The following FAM219B variants were observed in gnomAD, a reference collection of about 807,000 sequenced individuals.
The protein encoded by FAM219B is family with sequence similarity 219 member B, also known as protein FAM219B.
A neutral mutation model predicts 19.9 loss-of-function variants in FAM219B; 18 were observed. The observed-to-expected ratio is 0.91, with a 90% CI of 0.63 to 1.34. The LOEUF (loss-of-function observed/expected upper bound fraction) is 1.34. Among genes scored for constraint, FAM219B ranks in the 40% most tolerant of loss-of-function variants. FAM219B has a pLI of 0.00. For missense variants in FAM219B, 283 were observed against 270.5 expected (o/e 1.05, Z -0.32); for synonymous variants, 123 against 117.5 (o/e 1.05, Z -0.30).
intron 2 of FAM219B, 101 bp from the exon 3 acceptor site, chr15:74,905,332 CACTACTG>C (rs2065143380): frequency 1.7e-6 from 2 of 1,163,344 alleles, no homozygotes; most frequent in African/African-American, 3.0e-5. Context: ...GAATTGACTG[CACTACTG>C]ACTTGCCTTC....
chr15:74,906,311 G>GC lies in FAM219B; in HGVS notation c.268dup (p.Ala90GlyfsTer17), dbSNP rs1566962884. On this transcript the variant is annotated frameshift_variant, in exon 2 of 5. Coordinates refer to ENST00000357635, the MANE Select transcript of FAM219B (RefSeq NM_020447.5). LOFTEE classifies it high-confidence loss of function. ...TGAAGAGTCTGGGCGGTTCGGCGAG[G>GC]CCCCCAGCATGCCTTTTCTCCGCAG... 3 of 1,613,548 alleles carry GC rather than the reference G, an allele frequency of 1.9e-6. No homozygotes were observed. Among genetic ancestry groups the GC allele is most frequent in the South Asian group, 2.2e-5 (2 of 90,982 alleles).
chr15:74,905,043 G>GA, intron 3 of FAM219B, 111 bp downstream of exon 3: 19 of 1,579,640 alleles, frequency 1.2e-5, no homozygotes, highest in Non-Finnish European at 1.6e-5. Flanking sequence ...AACGGCCCTG[G>GA]AATGTACATG....
At position 74,906,671 on chromosome 15, in the gene FAM219B, G is replaced by C; in HGVS notation, c.130C>G (p.Arg44Gly). The change falls in exon 1 of 5, where the codon CGT becomes GGT. Residue 44 changes from arginine (R) to glycine (G), a missense_variant. Physicochemically the swap from Arg to Gly is moderately radical, Grantham distance 125. Transcript: ENST00000357635. ...GCCGCGGGGGTGCGCTCCCCCAGAC[G>C]GAGGGCTCTATTACCGATCTGCCCG... is the stretch of plus-strand genomic sequence containing the variant. ...PSGQIGNRAL[R>G]LGERTPAAVE... 1 of 1,506,830 alleles carries C rather than the reference G, an allele frequency of 6.6e-7. No homozygotes were observed. The highest frequency in any genetic ancestry group is 8.8e-7 in the Non-Finnish European group (1 of 1,132,616). The allele number at this position is 1,506,830 out of a possible 1,614,324, so 93.3% of individuals were successfully genotyped here.
rs1000271905 is a variant in FAM219B, at chr15:74,902,662, CAGCAGG to C, written c.548_553del (p.Ser183_Cys184del). On this transcript the variant is annotated inframe_deletion, in exon 5 of 5. Coordinates refer to ENST00000357635, the MANE Select transcript of FAM219B (RefSeq NM_020447.5). ...AGAAGAGTCCCCAAGACAGCACCAG[CAGCAGG>C]AGCATGTTGAAGAGGCCATGGGCTT... 1.2e-6 allele frequency: 2 copies of C among 1,612,788 alleles called. No homozygotes were observed. The highest frequency in any genetic ancestry group is 2.7e-5 in the African/African-American group (2 of 74,906).
chr15:74,905,708 C>G (rs1213574161), intron 2 of FAM219B: 1 of 188,980 alleles, frequency 5.3e-6, no homozygotes, highest in African/African-American at 2.3e-5. Flanking sequence ...CCACCACGCC[C>G]GGCCTGTATT....
chr15:74,906,664 C>A lies in FAM219B; in HGVS notation c.137G>T (p.Gly46Val). ...TTCCACGGCCGCGGGGGTGCGCTCCCCCAGACGGAGGGCTCTATTACCGAT... is the reference window on the plus strand; with the variant it reads ...TTCCACGGCCGCGGGGGTGCGCTCCACCAGACGGAGGGCTCTATTACCGAT... Reference protein sequence around the residue: ...GQIGNRALRLGERTPAAVEKR... With the variant: ...GQIGNRALRLVERTPAAVEKR... The change falls in exon 1 of 5, where the codon GGG (glycine) becomes GTG (valine). Residue 46 changes from glycine to valine, a missense_variant. Coordinates refer to ENST00000357635, the MANE Select transcript of FAM219B (RefSeq NM_020447.5). The A allele has an allele frequency of 6.6e-7, 1 of 1,508,610 alleles. No homozygotes were observed. Among genetic ancestry groups the A allele is most frequent in the South Asian group, 1.4e-5 (1 of 73,724 alleles). The allele number at this position is 1,508,610 out of a possible 1,614,324, so 93.5% of individuals were successfully genotyped here. A position where few individuals can be genotyped will look rare whatever the true frequency, so the allele number is the denominator to read the frequency against.
At chr15:74,904,595 C>T in intron 4 of FAM219B, 69 bp downstream of exon 4, 7 of 1,570,426 alleles carry the variant, frequency 4.5e-6, no homozygotes, top group Non-Finnish European at 6.1e-6. Flanking sequence ...GGGCACCAAA[C>T]AAGCATTTGG....
intron 2 of FAM219B, 37 bp downstream of exon 2, chr15:74,906,241 A>AATTTT (rs1352881586): frequency 5.6e-6 from 9 of 1,604,620 alleles, no homozygotes; most frequent in African/African-American, 1.3e-5. Flanking sequence ...GCCTTCTCTA[A>AATTTT]AGCTGCTGGC....
rs1484645669 is a variant in FAM219B, at chr15:74,906,330, T to C, written c.250A>G (p.Arg84Gly). The C allele has an allele frequency of 1.2e-6, 2 of 1,613,328 alleles. No individual in the cohort carries two copies. Among genetic ancestry groups the C allele is most frequent in the African/African-American group, 2.7e-5 (2 of 74,918 alleles). ...HRDLAKAVLR[R>G]KGMLGASPNR... ...GGCGAGGCCCCCAGCATGCCTTTTC[T>C]CCGCAGAACGGCCTTGGCCAGGTCC... Residue 84 changes from arginine (R) to glycine (G), a missense_variant, in exon 2 of 5, where the codon AGA (arginine) becomes GGA (glycine). By Grantham distance (125) the Arg-to-Gly change is moderately radical. Transcript: ENST00000357635.
chr15:74,903,863 T>C (rs1047089091), intron 4 of FAM219B, among the ~76,000 whole-genome samples: 2 of 152,208 alleles, frequency 1.3e-5, no homozygotes, highest in African/African-American at 2.4e-5. Flanking sequence ...TTTACATCCC[T>C]GTTTTTCTAT....
At position 74,906,304 on chromosome 15, in the gene FAM219B, C is replaced by G. The variant is rs1004408768; in HGVS notation, c.276G>C (p.Pro92=). The G allele has an allele frequency of 1.2e-5, 20 of 1,613,432 alleles. No homozygotes were observed. In the Admixed American group the frequency reaches 2.3e-4, roughly 19 times the overall value. The change falls in exon 2 of 5, where the codon CCG becomes CCC. Residue 92 remains proline (P), a synonymous_variant. Transcript: ENST00000357635. ...TTTTCCCTGAAGAGTCTGGGCGGTT[C>G]GGCGAGGCCCCCAGCATGCCTTTTC... is the stretch of plus-strand genomic sequence containing the variant. ...LRRKGMLGAS[P]NRPDSSGKRS...
intron 3 of FAM219B, 164 bp downstream of exon 3, chr15:74,904,990 C>T: frequency 6.5e-7 from 1 of 1,542,180 alleles, no homozygotes; most frequent in Non-Finnish European, 8.7e-7. Flanking sequence ...ACCTATGAGT[C>T]TTCTAACCAA....
chr15:74,900,473 C>G lies in FAM219B; in HGVS notation c.*2146G>C, dbSNP rs905674874. 1.3e-5 allele frequency: 2 copies of G among 152,346 alleles called. No individual in the cohort carries two copies. Among genetic ancestry groups the G allele is most frequent in the Non-Finnish European group, 2.9e-5 (2 of 68,154 alleles). The allele number at this position is 152,346 out of a possible 1,614,324, so 9.4% of individuals were successfully genotyped here. On this transcript the variant is annotated 3_prime_UTR_variant, in exon 5 of 5. Coordinates refer to ENST00000357635, the MANE Select transcript of FAM219B (RefSeq NM_020447.5). ...CATTCTGCCCTGACCACCTCCCCAA[C>G]AGAGATGTAGGTCTATACTTACCTT... is the stretch of plus-strand genomic sequence containing the variant.
chr15:74,906,127 G>T, intron 2 of FAM219B, 151 bp downstream of exon 2: 1 of 750,124 alleles, frequency 1.3e-6, no homozygotes, highest in Non-Finnish European at 2.1e-6. Flanking sequence ...AAGAGAGATT[G>T]TTCCTCTTCC....
At position 74,901,736 on chromosome 15, in the gene FAM219B, A is replaced by C. The variant is rs2064967440; in HGVS notation, c.*883T>G. On this transcript the variant is annotated 3_prime_UTR_variant, in exon 5 of 5. Transcript: ENST00000357635. ...AAAAGTTTAAAAAGTAAACAATAGG[A>C]AGGCACCGGACTGCTCCCTGTAGCT... 1 of 188,984 alleles carries C rather than the reference A, an allele frequency of 5.3e-6. No individual in the cohort carries two copies. The highest frequency in any genetic ancestry group is 1.9e-4 in the South Asian group (1 of 5,146). 11.7% of individuals were successfully genotyped at this position (188,984 alleles called of 1,614,324 possible).
At position 74,902,737 on chromosome 15, in the gene FAM219B, A is replaced by C. The variant is rs1218338054; in HGVS notation, c.479T>G (p.Leu160Arg). The stretch of plus-strand genomic sequence containing the variant: ...GTCCTCGTCATCTGGAATCTCATCC[A>C]GGTGATACCCATCCTGAAGCAGCTG... ...SRQLLQDGYH[L>R]DEIPDDEDLD... The change falls in exon 5 of 5, where the codon CTG (leucine) becomes CGG (arginine). Residue 160 changes from leucine to arginine, a missense_variant. Coordinates refer to ENST00000357635, the MANE Select transcript of FAM219B (RefSeq NM_020447.5). The C allele has an allele frequency of 1.2e-6, 2 of 1,612,276 alleles. No homozygotes were observed. The highest frequency in any genetic ancestry group is 2.7e-5 in the African/African-American group (2 of 74,928).
At chr15:74,904,743 G>T (rs118007749) in intron 3 of FAM219B, 31 bp from the exon 4 acceptor site, 136 of 1,613,890 alleles carry the variant, frequency 8.4e-5, no homozygotes, top group Non-Finnish European at 1.1e-4. Flanking sequence ...TCAGTTCCGG[G>T]AGGTACCTGT....
At chr15:74,904,556 G>A (rs769612674) in intron 4 of FAM219B, 108 bp downstream of exon 4, 15 of 1,340,052 alleles carry the variant, frequency 1.1e-5, no homozygotes, top group Non-Finnish European at 1.6e-5. Flanking sequence ...GAACAGACCA[G>A]AAGTCTGGCA....
chr15:74,904,740 C>G, intron 3 of FAM219B, 28 bp from the exon 4 acceptor site: 1 of 1,614,042 alleles, frequency 6.2e-7, no homozygotes, highest in Non-Finnish European at 8.5e-7. Flanking sequence ...CAGTCAGTTC[C>G]GGGAGGTACC....
Sources: gnomAD v4.1 joint callset for allele counts (sites outside exome capture counted in the v4.1 genomes callset) on GRCh38, gnomAD v4.1.1 for gene constraint, MANE v1.5 for transcripts, NCBI Gene and HGNC (gene_info 2026-07-23, HGNC 2026-07-21) for gene names.